CLPTM1L: variants seen among roughly 807,000 people sequenced by gnomAD.
The protein encoded by CLPTM1L is CLPTM1 like.
CLPTM1L carries 38 observed loss-of-function variants against 70.9 expected under a neutral mutation model. The ratio of observed to expected loss-of-function variants is 0.54; its 90% CI spans 0.41 to 0.70. The LOEUF (loss-of-function observed/expected upper bound fraction) is 0.70, where lower values mean the gene tolerates loss of function less well. Ranked by LOEUF, CLPTM1L falls within the 30% of genes least tolerant of loss-of-function variation. The pLI is 0.00. For synonymous variants in CLPTM1L, 339 were observed against 299.9 expected, an observed-to-expected ratio of 1.13 and a Z score of -1.35; for missense variants, 652 against 705.9, an observed-to-expected ratio of 0.92 and a Z score of 0.87.
At chr5:1,325,160 T>C (rs1398022294) in intron 10 of CLPTM1L, 8 of 367,718 alleles carry the variant, frequency 2.2e-5, no homozygotes, top group Admixed American at 4.3e-5. Context: ...CCGGGAGCCA[T>C]GGGGCAAGGT....
At chr5:1,330,642 A>G in intron 8 of CLPTM1L, 1 of 501,948 alleles carries the variant, frequency 2.0e-6, no homozygotes, top group Non-Finnish European at 3.6e-6. Flanking sequence ...CTTGCAAATG[A>G]GCATGGAACG....
Position 1,323,443 on chromosome 5 carries a change from C to T in CLPTM1L, c.1280+344G>A, listed in dbSNP as rs1308490360. Among the ~76,000 whole-genome samples, 3 of 151,446 alleles carry T rather than the reference C, an allele frequency of 2.0e-5. 1 individual carries two copies. The highest frequency in any genetic ancestry group is 4.8e-5 in the African/African-American group (2 of 41,270). On this transcript the variant is annotated intron_variant, in intron 12 of 16. Transcript: ENST00000320895. ...CCCTCTCGGCTCAGGGCCAACACCC[C>T]ACCCAGGCAGCAGAGGCCGGGGGCT...
In CLPTM1L at chr5:1,322,869, G is replaced by A. The variant is rs1359682619; in HGVS notation, c.1315+8C>T. 1.9e-6 allele frequency: 3 copies of A among 1,613,628 alleles called. No homozygotes were observed. In the East Asian group the frequency reaches 6.7e-5, roughly 36 times the overall value. On this transcript the variant is annotated splice_region_variant and intron_variant, in intron 13 of 16. Coordinates refer to ENST00000320895, the MANE Select transcript of CLPTM1L (RefSeq NM_030782.5). ...CTAGTACTGAAGCAGGGAAGCACAT[G>A]GACTCACCGTTGACGAAGCTGTTGA...
At chr5:1,344,473 G>C (rs931492546) in intron 1 of CLPTM1L, 22 bp from the exon 2 acceptor site, 3 of 1,600,310 alleles carry the variant, frequency 1.9e-6, no homozygotes, top group African/African-American at 2.7e-5. Context: ...GGGGCGTCGA[G>C]AGTCAGCTCG....
chr5:1,340,231 CTG>C (rs1309411131), intron 3 of CLPTM1L, among the ~76,000 whole-genome samples: 1 of 152,252 alleles, frequency 6.6e-6, no homozygotes, highest in Non-Finnish European at 1.5e-5. Flanking sequence ...TGGCAGAAGA[CTG>C]TGCAAGTCCA....
At chr5:1,321,245 C>T (rs774000740) in intron 15 of CLPTM1L, among the ~76,000 whole-genome samples, 1 of 152,278 alleles carries the variant, frequency 6.6e-6, no homozygotes, top group African/African-American at 2.4e-5. Context: ...GGGGCCTCCA[C>T]AGCTCTGCCA....
chr5:1,320,620 G>A lies in CLPTM1L; in HGVS notation c.1528C>T (p.Arg510Trp), dbSNP rs1314416338. Residue 510 changes from arginine (R) to tryptophan (W), a missense_variant, in exon 16 of 17, where the codon CGG (arginine) becomes TGG (tryptophan). Arg to Trp is a moderately radical substitution (Grantham distance 101). Coordinates refer to ENST00000320895, the MANE Select transcript of CLPTM1L (RefSeq NM_030782.5). The part of the protein sequence containing the change: ...DVVFLVYLYQ[R>W]WLYPVDKRRV... The stretch of plus-strand genomic sequence containing the variant: ...AGCATACGCAGCCGCACTCACCACC[G>A]CTGGTACAGGTAGACCAGAAACACC... The A allele has an allele frequency of 9.2e-6, 14 of 1,528,488 alleles. No homozygotes were observed. The Admixed American group carries it at 2.2e-4, about 24-fold the overall frequency. The allele number at this position is 1,528,488 out of a possible 1,614,324, so 94.7% of individuals were successfully genotyped here. A position where few individuals can be genotyped will look rare whatever the true frequency, so the allele number is the denominator to read the frequency against.
At chr5:1,344,152 C>T (rs1451671850) in intron 2 of CLPTM1L, among the ~76,000 whole-genome samples, 199 bp downstream of exon 2, 1 of 152,258 alleles carries the variant, frequency 6.6e-6, no homozygotes, top group Non-Finnish European at 1.5e-5. Flanking sequence ...TCTTAAACGA[C>T]ATTCATCACC....
chr5:1,332,523 G>A (rs1284039026), intron 7 of CLPTM1L, among the ~76,000 whole-genome samples: 3 of 152,212 alleles, frequency 2.0e-5, no homozygotes, highest in African/African-American at 7.2e-5. Flanking sequence ...AGTGCCGGCC[G>A]CACTCCTGGG....
At chr5:1,336,290 A>G (rs1203139326) in intron 5 of CLPTM1L, among the ~76,000 whole-genome samples, 6 of 152,194 alleles carry the variant, frequency 3.9e-5, no homozygotes, top group African/African-American at 1.4e-4. Context: ...GCACCTCTCG[A>G]ATCTGGCCCC....
Position 1,344,800 on chromosome 5 carries a change from G to A in CLPTM1L, c.42C>T (p.Gly14=). 6.2e-7 allele frequency: 1 copy of A among 1,601,948 alleles called. No individual in the cohort carries two copies. The highest frequency in any genetic ancestry group is 8.5e-7 in the Non-Finnish European group (1 of 1,175,410). The change falls in exon 1 of 17, where the codon GGC becomes GGT. Residue 14 remains glycine (G), a synonymous_variant. Coordinates refer to ENST00000320895, the MANE Select transcript of CLPTM1L (RefSeq NM_030782.5). ...GRSSFTSLVV[G]VFVVYVVHTC... is the part of the protein sequence containing the mutation. ...TGTGCACCACGTAGACCACGAACAC[G>A]CCCACCACCAAGCTGGTGAAGGAGC...
intron 2 of CLPTM1L, 35 bp from the exon 3 acceptor site, chr5:1,341,895 T>C (rs376546477): frequency 2.2e-5 from 34 of 1,539,364 alleles, no homozygotes; most frequent in African/African-American, 6.8e-5. Context: ...TACATACATA[T>C]TATATTCTGG....
At chr5:1,322,839 A>G (rs200308395) in intron 13 of CLPTM1L, 38 bp downstream of exon 13, 7 of 1,606,190 alleles carry the variant, frequency 4.4e-6, no homozygotes, top group South Asian at 2.2e-5. Flanking sequence ...TGCCTGCTGG[A>G]AACACTAGTA....
rs748049226 is a variant in CLPTM1L, at chr5:1,342,908, G to C, written c.264-1048C>G. The stretch of plus-strand genomic sequence containing the variant: ...CCGGCCTCTCCTTAAAAATCTTACG[G>C]TTGGCCGGGTGCGGCGGCTCACGCC... On this transcript the variant is annotated intron_variant, in intron 2 of 16. Coordinates refer to ENST00000320895, the MANE Select transcript of CLPTM1L (RefSeq NM_030782.5). The surrounding 1 kb of genome is among the most constrained non-coding windows in gnomAD (Gnocchi z 4.3). Among the ~76,000 whole-genome samples, 1 of 152,214 alleles carries C rather than the reference G, an allele frequency of 6.6e-6. No individual in the cohort carries two copies. The highest frequency in any genetic ancestry group is 1.5e-5 in the Non-Finnish European group (1 of 68,042).
chr5:1,326,504 AT>A (rs1162122868), intron 9 of CLPTM1L: 2 of 251,212 alleles, frequency 8.0e-6, no homozygotes, highest in Non-Finnish European at 1.5e-5. Context: ...CTACAGGGAC[AT>A]TCCATCCAGC....
At chr5:1,331,566 G>A (rs1038983316) in intron 8 of CLPTM1L, 180 of 401,480 alleles carry the variant, frequency 4.5e-4, no homozygotes, top group Non-Finnish European at 7.1e-4. Context: ...GCCAGGCCCT[G>A]AGCTGTGCAG....
At chr5:1,332,383 A>T (rs1753152971) in intron 7 of CLPTM1L, 1 of 155,078 alleles carries the variant, frequency 6.4e-6, no homozygotes. Flanking sequence ...AAAAAAACTT[A>T]AAAAAACCTA....
intron 7 of CLPTM1L, chr5:1,332,093 G>A (rs541959623): frequency 3.4e-6 from 2 of 585,608 alleles, no homozygotes; most frequent in Admixed American, 2.9e-5. Context: ...CTTTGCAGGG[G>A]CACTTCTGAA....
At chr5:1,341,079 T>G (rs978254665) in intron 3 of CLPTM1L, among the ~76,000 whole-genome samples, 12 of 152,218 alleles carry the variant, frequency 7.9e-5, no homozygotes, top group African/African-American at 2.7e-4. Context: ...TTTTGTAAAT[T>G]ATCTCACCTT....
Sources: gnomAD v4.1 joint callset for allele counts (sites outside exome capture counted in the v4.1 genomes callset) on GRCh38, gnomAD v4.1.1 for gene constraint, Gnocchi (gnomAD v3.1) non-coding constraint, MANE v1.5 for transcripts, NCBI Gene and HGNC (gene_info 2026-07-23, HGNC 2026-07-21) for gene names.